The following NPEPPS variants were observed in gnomAD, a reference collection of about 807,000 sequenced individuals.
The protein encoded by NPEPPS is aminopeptidase puromycin sensitive, also known as puromycin-sensitive aminopeptidase.
In NPEPPS, 14 loss-of-function variants were observed where a neutral mutation model predicts 115.5. The ratio of observed to expected loss-of-function variants is 0.12; its 90% CI spans 0.08 to 0.19. The LOEUF (loss-of-function observed/expected upper bound fraction) is 0.19, where lower values mean the gene tolerates loss of function less well. Among genes scored for constraint, NPEPPS ranks in the 10% least tolerant of loss-of-function variants. The probability of loss-of-function intolerance (pLI) is 1.00; values close to 1 mark genes in which losing one functional copy is unlikely to be tolerated. For synonymous variants in NPEPPS, 285 were observed against 390.6 expected, an observed-to-expected ratio of 0.73 and a Z score of 3.19; for missense variants, 523 against 1,110.8, an observed-to-expected ratio of 0.47 and a Z score of 7.52.
Position 47,618,387 on chromosome 17 carries a change from G to A in NPEPPS, c.2333G>A (p.Arg778Gln). The A allele has an allele frequency of 2.5e-6, 4 of 1,613,654 alleles. No homozygotes were observed. The highest frequency in any genetic ancestry group is 3.4e-6 in the Non-Finnish European group (4 of 1,179,764). Residue 778 changes from arginine (R) to glutamine (Q), a missense_variant, in exon 20 of 23, where the codon CGA becomes CAA. Transcript: ENST00000322157. The part of the protein sequence containing the change: ...KQADMQEEKN[R>Q]IERVLGATLL... ...GCAGATATGCAAGAAGAGAAAAACCGAATCGAAAGAGTCCTTGGCGCTACT... is the reference window on the plus strand; with the variant it reads ...GCAGATATGCAAGAAGAGAAAAACCAAATCGAAAGAGTCCTTGGCGCTACT...
chr17:47,553,323 A>C (rs1389401020), intron 2 of NPEPPS, among the ~76,000 whole-genome samples: 1 of 151,686 alleles, frequency 6.6e-6, no homozygotes, highest in Non-Finnish European at 1.5e-5. Context: ...CAGTGAGCCA[A>C]GATCACGCCA....
chr17:47,536,780 C>T lies in NPEPPS; in HGVS notation c.255+5225C>T, dbSNP rs569367351. On this transcript the variant is annotated intron_variant, in intron 1 of 22. Transcript: ENST00000322157. ...AGGCTGGAGTGCAATGGCGCGATCT[C>T]GGCTCACCGCAACCTCTGCCTCCCA... 9.3e-4 allele frequency among the ~76,000 whole-genome samples: 134 copies of T among 143,912 alleles called. 1 individual carries two copies. Among genetic ancestry groups the T allele is most frequent in the African/African-American group, 3.3e-3 (124 of 38,114 alleles). The allele number at this position is 143,912 out of a possible 152,430, so 94.4% of individuals were successfully genotyped here.
In NPEPPS at chr17:47,537,659, C is replaced by T. The variant is rs566747110; in HGVS notation, c.255+6104C>T. Among the ~76,000 whole-genome samples, 3 of 151,690 alleles carry T rather than the reference C, an allele frequency of 2.0e-5. No individual in the cohort carries two copies. In the East Asian group the frequency reaches 5.9e-4, roughly 30 times the overall value. On this transcript the variant is annotated intron_variant, in intron 1 of 22. Coordinates refer to ENST00000322157, the MANE Select transcript of NPEPPS (RefSeq NM_006310.4). ...GAGGTTGCGGTGAGCTGAGATCACG[C>T]CATTGCACTCCAGCCGGGGTGACAC...
intron 2 of NPEPPS, among the ~76,000 whole-genome samples, chr17:47,550,853 G>A (rs1331575670): frequency 6.6e-6 from 1 of 151,638 alleles, no homozygotes; most frequent in Admixed American, 6.6e-5. Flanking sequence ...TCTCGAACTC[G>A]AGACCTCAGG....
intron 19 of NPEPPS, among the ~76,000 whole-genome samples, chr17:47,616,622 T>C (rs1914217942): frequency 6.7e-6 from 1 of 150,268 alleles, no homozygotes; most frequent in Admixed American, 6.6e-5. Context: ...AGGTGGAGGT[T>C]GTGGTGAGCC....
intron 13 of NPEPPS, 111 bp from the exon 14 acceptor site, chr17:47,599,565 G>A: frequency 1.3e-6 from 1 of 769,568 alleles, no homozygotes. Context: ...ACATTTGGTT[G>A]TGCTCGTTCC....
chr17:47,599,811 T>C (rs1913080843), intron 14 of NPEPPS, 72 bp downstream of exon 14: 10 of 1,239,606 alleles, frequency 8.1e-6, no homozygotes, highest in Non-Finnish European at 1.0e-5. Flanking sequence ...GTATTCCAAC[T>C]AATAGGAAAT....
intron 17 of NPEPPS, among the ~76,000 whole-genome samples, chr17:47,608,397 T>C (rs1469584243): frequency 7.1e-6 from 1 of 141,630 alleles, no homozygotes; most frequent in African/African-American, 2.7e-5. Context: ...GAGGTTGCAG[T>C]GAGCCGAGAT....
At chr17:47,614,622 G>A (rs894610228) in intron 19 of NPEPPS, among the ~76,000 whole-genome samples, 3 of 152,308 alleles carry the variant, frequency 2.0e-5, no homozygotes, top group East Asian at 3.8e-4. Context: ...AGCAGTGTTT[G>A]CAACTTTGAA....
At position 47,539,040 on chromosome 17, in the gene NPEPPS, A is replaced by G. The variant is rs554990432; in HGVS notation, c.256-6869A>G. ...GAGTTTGTTGGATTCTCTTCTGAGT[A>G]AAGGGTATGCGTTTTATTGTACGGA... is the stretch of plus-strand genomic sequence containing the variant. On this transcript the variant is annotated intron_variant, in intron 1 of 22. Coordinates refer to ENST00000322157, the MANE Select transcript of NPEPPS (RefSeq NM_006310.4). 2.6e-5 allele frequency among the ~76,000 whole-genome samples: 4 copies of G among 151,746 alleles called. No individual in the cohort carries two copies. The East Asian group carries it at 7.7e-4, about 29-fold the overall frequency.
intron 15 of NPEPPS, among the ~76,000 whole-genome samples, chr17:47,602,317 T>C (rs1913248764): frequency 6.6e-6 from 1 of 152,192 alleles, no homozygotes; most frequent in East Asian, 1.9e-4. Flanking sequence ...TATCAGACAT[T>C]TGTGCTTTTT....
chr17:47,586,024 G>A, intron 6 of NPEPPS, 124 bp from the exon 7 acceptor site: 1 of 1,055,178 alleles, frequency 9.5e-7, no homozygotes, highest in South Asian at 2.4e-5. Context: ...GGAGGGTAGG[G>A]CTCCTCGGGA....
chr17:47,570,549 G>A (rs1430128044), intron 3 of NPEPPS, among the ~76,000 whole-genome samples: 2 of 152,156 alleles, frequency 1.3e-5, no homozygotes, highest in Non-Finnish European at 1.5e-5. Context: ...GTTATTGAGG[G>A]CACAGAAAGA....
Position 47,619,177 on chromosome 17 carries a change from C to T in NPEPPS, c.2559+13C>T. 6.2e-7 allele frequency: 1 copy of T among 1,602,818 alleles called. No individual in the cohort carries two copies. The highest frequency in any genetic ancestry group is 1.7e-5 in the Admixed American group (1 of 58,566). On this transcript the variant is annotated intron_variant, in intron 21 of 22. Coordinates refer to ENST00000322157, the MANE Select transcript of NPEPPS (RefSeq NM_006310.4). ...CAGACTAATAAAGGTATGTGAAAAACTTTGAGTAGCTTGCTAATCATGGAT... is the reference window on the plus strand; with the variant it reads ...CAGACTAATAAAGGTATGTGAAAAATTTTGAGTAGCTTGCTAATCATGGAT...
intron 3 of NPEPPS, among the ~76,000 whole-genome samples, chr17:47,575,871 G>A (rs13343270): frequency 1.3e-5 from 2 of 151,936 alleles, no homozygotes; most frequent in African/African-American, 4.8e-5. Flanking sequence ...GCCTCCCAAA[G>A]TGCTGGAATT....
At chr17:47,621,736 A>G (rs764301719) in intron 22 of NPEPPS, 32 bp from the exon 23 acceptor site, 2 of 1,577,038 alleles carry the variant, frequency 1.3e-6, no homozygotes, top group South Asian at 2.3e-5. Flanking sequence ...ATTGCTAGTA[A>G]TGATCCTGCA....
intron 6 of NPEPPS, 114 bp downstream of exon 6, chr17:47,585,814 A>G: frequency 2.3e-6 from 2 of 853,488 alleles, no homozygotes; most frequent in Admixed American, 2.3e-5. Context: ...AAGTTGTGCT[A>G]CTTGGTTTAT....
intron 2 of NPEPPS, among the ~76,000 whole-genome samples, chr17:47,546,383 G>A (rs1337270914): frequency 4.6e-5 from 7 of 151,948 alleles, no homozygotes; most frequent in Non-Finnish European, 8.8e-5. Context: ...CCATGATTGC[G>A]CCGCTGCACT....
chr17:47,604,878 G>A (rs80334555), intron 16 of NPEPPS, among the ~76,000 whole-genome samples: 1,839 of 152,302 alleles, frequency 0.012, 41 homozygotes, highest in African/African-American at 0.043. Flanking sequence ...GTAAAGGAGA[G>A]GCTTAAGTTG....
Sources: gnomAD v4.1 joint callset for allele counts (sites outside exome capture counted in the v4.1 genomes callset) on GRCh38, gnomAD v4.1.1 for gene constraint, MANE v1.5 for transcripts, NCBI Gene and HGNC (gene_info 2026-07-23, HGNC 2026-07-21) for gene names.